Variants in NKAIN2 observed in about 807,000 individuals in gnomAD.
NKAIN2 encodes the protein sodium/potassium-transporting ATPase subunit beta-1-interacting protein 2.
In NKAIN2, 14 loss-of-function variants were observed where a neutral mutation model predicts 32.6. That is an observed-to-expected ratio of 0.43 (90% CI 0.28 to 0.67). The LOEUF (loss-of-function observed/expected upper bound fraction) is 0.67. NKAIN2 is among the 30% of genes least tolerant of loss of function. The pLI is 0.17. For missense variants in NKAIN2, 198 were observed against 258.3 expected (o/e 0.77, Z 1.60); for synonymous variants, 80 against 87.2 (o/e 0.92, Z 0.46).
intron 4 of NKAIN2, among the ~76,000 whole-genome samples, chr6:124,706,595 A>G (rs1775080327): frequency 6.6e-6 from 1 of 152,174 alleles, no homozygotes; most frequent in African/African-American, 2.4e-5. Flanking sequence ...AGTTCCAAAC[A>G]GGGCAGACTC....
intron 1 of NKAIN2, among the ~76,000 whole-genome samples, chr6:124,243,929 T>C (rs574635135): frequency 9.2e-5 from 14 of 152,124 alleles, no homozygotes; most frequent in Admixed American, 2.0e-4. Flanking sequence ...ATCTTGTTGT[T>C]TATAATGACA....
At chr6:124,786,238 T>A (rs1779497100) in intron 4 of NKAIN2, among the ~76,000 whole-genome samples, 2 of 152,096 alleles carry the variant, frequency 1.3e-5, no homozygotes, top group Non-Finnish European at 2.9e-5. Context: ...CTCATGTACT[T>A]TTTTGAGTAC....
At chr6:124,313,087 A>AT (rs1396757087) in intron 2 of NKAIN2, among the ~76,000 whole-genome samples, 4 of 152,156 alleles carry the variant, frequency 2.6e-5, no homozygotes, top group Non-Finnish European at 5.9e-5. Flanking sequence ...TATACATATA[A>AT]TATCACAGTC....
intron 4 of NKAIN2, among the ~76,000 whole-genome samples, chr6:124,668,425 T>C (rs991024562): frequency 2.6e-5 from 4 of 152,168 alleles, no homozygotes; most frequent in African/African-American, 9.6e-5. Context: ...AACAACGTTA[T>C]AAATAGAGAC....
At chr6:124,435,716 A>G (rs78657145) in intron 3 of NKAIN2, among the ~76,000 whole-genome samples, 218 of 152,300 alleles carry the variant, frequency 1.4e-3, no homozygotes, top group African/African-American at 4.9e-3. Context: ...TCTGAACTTC[A>G]TGTGAGTATA....
At chr6:123,981,158 C>T (rs1394473377) in intron 1 of NKAIN2, among the ~76,000 whole-genome samples, 4 of 152,176 alleles carry the variant, frequency 2.6e-5, no homozygotes, top group Non-Finnish European at 5.9e-5. Context: ...TGAGCCACCA[C>T]GCCCAGGCCT....
intron 3 of NKAIN2, among the ~76,000 whole-genome samples, chr6:124,562,491 T>A (rs1319158585): frequency 6.6e-6 from 1 of 152,214 alleles, no homozygotes; most frequent in African/African-American, 2.4e-5. Context: ...AAACTTTTTG[T>A]TCTCAAAACT....
chr6:124,537,094 C>A (rs1779744673), intron 3 of NKAIN2, among the ~76,000 whole-genome samples: 2 of 152,174 alleles, frequency 1.3e-5, no homozygotes, highest in South Asian at 4.1e-4. Context: ...TAGGTGTCCA[C>A]TTTTCTACCA....
chr6:124,634,444 G>A (rs1783694676), intron 3 of NKAIN2, among the ~76,000 whole-genome samples: 1 of 151,994 alleles, frequency 6.6e-6, no homozygotes, highest in African/African-American at 2.4e-5. Flanking sequence ...GAAGATTTTT[G>A]TGAATAAAAT....
chr6:124,060,820 A>G (rs1477247752), intron 1 of NKAIN2, among the ~76,000 whole-genome samples: 2 of 152,196 alleles, frequency 1.3e-5, no homozygotes, highest in African/African-American at 4.8e-5. Context: ...AAAATATGCA[A>G]CACAATGTTC....
At chr6:124,478,189 T>C (rs899506126) in intron 3 of NKAIN2, among the ~76,000 whole-genome samples, 2 of 152,178 alleles carry the variant, frequency 1.3e-5, no homozygotes, top group African/African-American at 4.8e-5. Flanking sequence ...TTAAGTTGAA[T>C]GTGTTTTGTC....
At chr6:123,953,532 C>T (rs1487439926) in intron 1 of NKAIN2, among the ~76,000 whole-genome samples, 1 of 152,080 alleles carries the variant, frequency 6.6e-6, no homozygotes, top group African/African-American at 2.4e-5. Context: ...GCTGGGTGGA[C>T]CAGTCCTCGG....
chr6:124,773,927 C>T (rs1778871791), intron 4 of NKAIN2, among the ~76,000 whole-genome samples: 1 of 152,060 alleles, frequency 6.6e-6, no homozygotes, highest in African/African-American at 2.4e-5. Context: ...AACAAGGAAG[C>T]TCATGATAGC....
chr6:123,976,268 TCC>T lies in NKAIN2; in HGVS notation c.54+172015_54+172016del, dbSNP rs369426362. Among the ~76,000 whole-genome samples the T allele has an allele frequency of 5.7e-3, 514 of 90,250 alleles. 40 individuals carry two copies. Among genetic ancestry groups the T allele is most frequent in the East Asian group, 0.024 (47 of 1,920 alleles). 59.2% of individuals were successfully genotyped at this position (90,250 alleles called of 152,430 possible). On this transcript the variant is annotated intron_variant, in intron 1 of 6. Coordinates refer to ENST00000368417, the MANE Select transcript of NKAIN2 (RefSeq NM_001040214.3). ...AAGAACATATATATATATATATGTTTCCATATATATGTTTCCATATATATGTT... is the reference window on the plus strand; with the variant it reads ...AAGAACATATATATATATATATGTTTATATATATGTTTCCATATATATGTT...
chr6:124,674,567 C>A (rs1562317893), intron 4 of NKAIN2, among the ~76,000 whole-genome samples: 1 of 151,642 alleles, frequency 6.6e-6, no homozygotes, highest in Non-Finnish European at 1.5e-5. Context: ...GGGTACAAGC[C>A]TTTCATATCA....
intron 3 of NKAIN2, among the ~76,000 whole-genome samples, chr6:124,450,172 C>T (rs1417248931): frequency 5.9e-5 from 9 of 152,030 alleles, no homozygotes; most frequent in African/African-American, 1.9e-4. Context: ...TGTTTATCCC[C>T]ATTATCACAT....
At chr6:124,020,569 A>C (rs890073626) in intron 1 of NKAIN2, among the ~76,000 whole-genome samples, 7 of 152,152 alleles carry the variant, frequency 4.6e-5, no homozygotes, top group Non-Finnish European at 8.8e-5. Flanking sequence ...ACCAATAAAA[A>C]ACAAAGATTT....
intron 1 of NKAIN2, among the ~76,000 whole-genome samples, chr6:123,867,899 T>A (rs944823102): frequency 1.3e-5 from 2 of 150,724 alleles, no homozygotes; most frequent in Non-Finnish European, 3.0e-5. Flanking sequence ...GACAGAGTCT[T>A]GCTCTGTCGC....
At chr6:124,354,844 G>GAAA (rs3054410) in intron 2 of NKAIN2, among the ~76,000 whole-genome samples, 16,140 of 99,958 alleles carry the variant, frequency 0.16, 1,076 homozygotes, top group African/African-American at 0.21. Context: ...ATAACAGTAA[G>GAAA]AAAAAAAAAA....
Sources: gnomAD v4.1 joint callset for allele counts (sites outside exome capture counted in the v4.1 genomes callset) on GRCh38, gnomAD v4.1.1 for gene constraint, MANE v1.5 for transcripts, NCBI Gene and HGNC (gene_info 2026-07-23, HGNC 2026-07-21) for gene names.